ZBTB20: variants seen among roughly 807,000 people sequenced by gnomAD.
ZBTB20 encodes zinc finger and BTB domain-containing protein 20.
Under a neutral mutation model 56.9 loss-of-function variants are expected in ZBTB20, and 9 were observed. That is an observed-to-expected ratio of 0.16 (90% CI 0.10 to 0.28). The LOEUF is 0.28. Among genes scored for constraint, ZBTB20 ranks in the 10% least tolerant of loss-of-function variants. ZBTB20 has a pLI of 1.00. For synonymous variants in ZBTB20, 417 were observed against 420.7 expected, an observed-to-expected ratio of 0.99 and a Z score of 0.11; for missense variants, 655 against 1,003.0, an observed-to-expected ratio of 0.65 and a Z score of 4.69.
At chr3:114,415,452 T>A (rs188116959) in intron 7 of ZBTB20, among the ~76,000 whole-genome samples, 16 of 152,216 alleles carry the variant, frequency 1.1e-4, no homozygotes, top group Non-Finnish European at 1.9e-4. Flanking sequence ...TGTCTAGGCC[T>A]AAATGCCTTC....
At chr3:114,365,976 C>T (rs1388516605) in intron 10 of ZBTB20, among the ~76,000 whole-genome samples, 2 of 152,176 alleles carry the variant, frequency 1.3e-5, no homozygotes, top group Non-Finnish European at 2.9e-5. Flanking sequence ...CACAAATGGG[C>T]ATAATGCTTA....
At chr3:115,146,733 G>C (rs765137521) in intron 1 of ZBTB20, among the ~76,000 whole-genome samples, 112 of 152,194 alleles carry the variant, frequency 7.4e-4, no homozygotes, top group Non-Finnish European at 1.3e-3. Flanking sequence ...GGGAGGGCGA[G>C]GAGGGAGGGG....
intron 3 of ZBTB20, among the ~76,000 whole-genome samples, chr3:114,967,978 T>C (rs539014819): frequency 9.8e-4 from 149 of 151,644 alleles, no homozygotes; most frequent in Middle Eastern, 3.4e-3. Flanking sequence ...AAAGAGTTGA[T>C]CTCATCCTGA....
intron 3 of ZBTB20, among the ~76,000 whole-genome samples, chr3:114,943,073 C>A (rs1481990600): frequency 6.9e-6 from 1 of 145,198 alleles, no homozygotes; most frequent in African/African-American, 2.8e-5. Flanking sequence ...AAAGAATATT[C>A]AGTAGTCTTA....
In ZBTB20 at chr3:114,711,413, G is replaced by A. The variant is rs567403586; in HGVS notation, c.-342-17838C>T. Among the ~76,000 whole-genome samples the A allele has an allele frequency of 7.9e-5, 12 of 152,288 alleles. No homozygotes were observed. The South Asian group carries it at 2.5e-3, about 32-fold the overall frequency. On this transcript the variant is annotated intron_variant, in intron 5 of 11. Transcript: ENST00000675478. The stretch of plus-strand genomic sequence containing the variant: ...ATCCCAGTCACATAAACTTTAAATA[G>A]GAAATCTTTATTCTGCATGGTGCAG...
At chr3:114,520,789 C>G (rs1221255896) in intron 6 of ZBTB20, among the ~76,000 whole-genome samples, 2 of 152,064 alleles carry the variant, frequency 1.3e-5, no homozygotes, top group Non-Finnish European at 2.9e-5. Context: ...CAAAAGCATC[C>G]TAAATTCAAC....
At chr3:114,834,191 A>G (rs1159794018) in intron 4 of ZBTB20, among the ~76,000 whole-genome samples, 1 of 152,188 alleles carries the variant, frequency 6.6e-6, no homozygotes, top group Admixed American at 6.6e-5. Flanking sequence ...TTAATATTTT[A>G]TATCTTAAAA....
At chr3:114,898,407 A>G (rs1402211146) in intron 4 of ZBTB20, among the ~76,000 whole-genome samples, 6 of 152,152 alleles carry the variant, frequency 3.9e-5, no homozygotes, top group South Asian at 2.1e-4. Flanking sequence ...TCATTAAAAT[A>G]GTCAAAAAGG....
chr3:114,596,197 C>T (rs1286906557), intron 6 of ZBTB20, among the ~76,000 whole-genome samples: 5 of 152,120 alleles, frequency 3.3e-5, no homozygotes, highest in African/African-American at 7.2e-5. Flanking sequence ...ACAGCAACAA[C>T]AATTTTGGCC....
chr3:114,404,442 T>C (rs538193325), intron 7 of ZBTB20, among the ~76,000 whole-genome samples: 1 of 152,284 alleles, frequency 6.6e-6, no homozygotes, highest in Non-Finnish European at 1.5e-5. Flanking sequence ...TTGAATAATT[T>C]ACTTCAGTTG....
chr3:114,717,644 C>A (rs1027157117), intron 5 of ZBTB20, among the ~76,000 whole-genome samples: 1 of 152,060 alleles, frequency 6.6e-6, no homozygotes, highest in African/African-American at 2.4e-5. Context: ...TCCAGTTCAC[C>A]CCCCATTTTG....
intron 4 of ZBTB20, among the ~76,000 whole-genome samples, chr3:114,856,216 C>T (rs771867443): frequency 1.3e-5 from 2 of 152,128 alleles, no homozygotes; most frequent in Non-Finnish European, 2.9e-5. Context: ...ATTTGATGGT[C>T]CTTTACCACC....
At chr3:114,519,244 T>C (rs1385930937) in intron 6 of ZBTB20, 1 of 152,174 alleles carries the variant, frequency 6.6e-6, no homozygotes, top group African/African-American at 2.4e-5. Flanking sequence ...TAAATAATTT[T>C]TACAGTACAT....
intron 1 of ZBTB20, among the ~76,000 whole-genome samples, chr3:115,136,626 T>C (rs752031563): frequency 6.6e-6 from 1 of 152,100 alleles, no homozygotes; most frequent in South Asian, 2.1e-4. Flanking sequence ...ATTACACATA[T>C]AAGACAGAAA....
At chr3:114,775,913 C>A (rs1398207505) in intron 5 of ZBTB20, among the ~76,000 whole-genome samples, 1 of 151,978 alleles carries the variant, frequency 6.6e-6, no homozygotes, top group Non-Finnish European at 1.5e-5. Context: ...TGAACCAGGC[C>A]AAAGAAATTA....
chr3:114,367,190 G>A (rs1226771125), intron 10 of ZBTB20: 1 of 152,206 alleles, frequency 6.6e-6, no homozygotes, highest in Non-Finnish European at 1.5e-5. Flanking sequence ...GTGCACACAG[G>A]AAAATGTACA....
chr3:114,447,824 G>C (rs538529974), intron 7 of ZBTB20, among the ~76,000 whole-genome samples: 18 of 152,244 alleles, frequency 1.2e-4, no homozygotes, highest in African/African-American at 4.3e-4. Context: ...GAAAGTTATA[G>C]ACCTGAGCAA....
chr3:114,733,280 A>G (rs989434447), intron 5 of ZBTB20, among the ~76,000 whole-genome samples: 2 of 152,194 alleles, frequency 1.3e-5, no homozygotes, highest in Admixed American at 1.3e-4. Context: ...CTTGACTTTC[A>G]TAACAGGTAG....
chr3:114,366,647 G>A (rs911376725), intron 10 of ZBTB20: 25 of 152,166 alleles, frequency 1.6e-4, no homozygotes, highest in African/African-American at 5.6e-4. Flanking sequence ...CTATTACTAG[G>A]AGGCTTTTAG....
Sources: gnomAD v4.1 joint callset for allele counts (sites outside exome capture counted in the v4.1 genomes callset) on GRCh38, gnomAD v4.1.1 for gene constraint, MANE v1.5 for transcripts, NCBI Gene and HGNC (gene_info 2026-07-23, HGNC 2026-07-21) for gene names.